The following SLC4A4 variants were observed in gnomAD, a reference collection of about 807,000 sequenced individuals.
The protein encoded by SLC4A4 is solute carrier family 4 member 4, also known as electrogenic sodium bicarbonate cotransporter 1.
A neutral mutation model predicts 111.5 loss-of-function variants in SLC4A4; 27 were observed. That is an observed-to-expected ratio of 0.24 (90% CI 0.18 to 0.33). The LOEUF is 0.33. SLC4A4 is among the 10% of genes least tolerant of loss of function. The probability of loss-of-function intolerance (pLI) is 1.00; values close to 1 mark genes in which losing one functional copy is unlikely to be tolerated. For missense variants in SLC4A4, 909 were observed against 1,315.5 expected, an observed-to-expected ratio of 0.69 and a Z score of 4.78; for synonymous variants, 443 against 463.4, an observed-to-expected ratio of 0.96 and a Z score of 0.57.
At chr4:71,086,198 C>G (rs1257284354) in intron 1 of SLC4A4, among the ~76,000 whole-genome samples, 1 of 151,498 alleles carries the variant, frequency 6.6e-6, no homozygotes, top group Non-Finnish European at 1.5e-5. Context: ...TGATTTGGCT[C>G]TCTGTTTGTC....
intron 2 of SLC4A4, among the ~76,000 whole-genome samples, chr4:71,245,098 G>A (rs959486450): frequency 6.6e-5 from 10 of 152,126 alleles, no homozygotes; most frequent in African/African-American, 2.4e-4. Context: ...TTCCAGGCAG[G>A]CATGTGTGAA....
intron 2 of SLC4A4, among the ~76,000 whole-genome samples, chr4:71,108,050 C>T (rs531610308): frequency 6.6e-6 from 1 of 152,136 alleles, no homozygotes; most frequent in Non-Finnish European, 1.5e-5. Flanking sequence ...ACCCAAAACT[C>T]CTCCTTTGTA....
chr4:71,344,190 C>T (rs1324091627), intron 4 of SLC4A4, among the ~76,000 whole-genome samples: 3 of 152,136 alleles, frequency 2.0e-5, no homozygotes, highest in Admixed American at 1.3e-4. Context: ...AACTACCTGG[C>T]ACACAGGTCA....
At chr4:71,253,928 A>G (rs557105695) in intron 2 of SLC4A4, among the ~76,000 whole-genome samples, 2 of 152,306 alleles carry the variant, frequency 1.3e-5, no homozygotes, top group East Asian at 3.9e-4. Context: ...GCTTAGCTGG[A>G]ATATCTTTCC....
At chr4:71,176,143 C>A (rs1289583146) in intron 2 of SLC4A4, among the ~76,000 whole-genome samples, 1 of 152,144 alleles carries the variant, frequency 6.6e-6, no homozygotes, top group Non-Finnish European at 1.5e-5. Context: ...GGAAAACGAA[C>A]AAACAGAAAG....
In SLC4A4 at chr4:71,372,442, G is replaced by A. The variant is rs373800938; in HGVS notation, c.730+15255G>A. On this transcript the variant is annotated intron_variant, in intron 6 of 25. Coordinates refer to ENST00000264485, the MANE Select transcript of SLC4A4 (RefSeq NM_001098484.3). Reference sequence around the variant, plus strand: ...AAGTTAATACCCACCTAAATGCCTTGCCATTATTAGAGCATAAGAACATAC... The same window carrying A: ...AAGTTAATACCCACCTAAATGCCTTACCATTATTAGAGCATAAGAACATAC... Among the ~76,000 whole-genome samples the A allele has an allele frequency of 5.1e-4, 78 of 152,308 alleles. 1 individual carries two copies. The highest frequency in any genetic ancestry group is 1.8e-3 in the African/African-American group (74 of 41,578).
Position 71,389,096 on chromosome 4 carries a change from G to A in SLC4A4, c.731-8481G>A, listed in dbSNP as rs373297502. ...GGGTCTAGGGAATTGAGGTTAAATA[G>A]ATTATCAAAGGGACTGTAGATAACA... On this transcript the variant is annotated intron_variant, in intron 6 of 25. Coordinates refer to ENST00000264485, the MANE Select transcript of SLC4A4 (RefSeq NM_001098484.3). 2.5e-3 allele frequency among the ~76,000 whole-genome samples: 376 copies of A among 152,292 alleles called. 1 individual carries two copies. In the Middle Eastern group the frequency reaches 0.034, roughly 14 times the overall value.
rs1231529543 is a variant in SLC4A4, at chr4:71,498,553, A to G, written c.2166+861A>G. Among the ~76,000 whole-genome samples, 2 of 152,152 alleles carry G rather than the reference A, an allele frequency of 1.3e-5. 1 individual carries two copies. The highest frequency in any genetic ancestry group is 2.9e-5 in the Non-Finnish European group (2 of 68,012). ...GAATGGAAGAATTTTAAAATATGAGATGCACTTGATGAAATTCCTTTTTCC... is the reference window on the plus strand; with the variant it reads ...GAATGGAAGAATTTTAAAATATGAGGTGCACTTGATGAAATTCCTTTTTCC... On this transcript the variant is annotated intron_variant, in intron 16 of 25. Coordinates refer to ENST00000264485, the MANE Select transcript of SLC4A4 (RefSeq NM_001098484.3).
At chr4:71,366,594 G>T (rs1474096821) in intron 6 of SLC4A4, among the ~76,000 whole-genome samples, 1 of 152,086 alleles carries the variant, frequency 6.6e-6, no homozygotes, top group Non-Finnish European at 1.5e-5. Flanking sequence ...CTGAAGTCAG[G>T]CAAAAGTGAT....
chr4:71,413,041 C>G (rs754429602), intron 7 of SLC4A4, among the ~76,000 whole-genome samples: 1 of 152,172 alleles, frequency 6.6e-6, no homozygotes, highest in Non-Finnish European at 1.5e-5. Context: ...ATGAAGAACC[C>G]CTCAACCAAA....
chr4:71,212,858 C>T (rs1295303704), intron 1 of SLC4A4, among the ~76,000 whole-genome samples: 1 of 152,174 alleles, frequency 6.6e-6, no homozygotes, highest in Non-Finnish European at 1.5e-5. Context: ...TAAATACAGT[C>T]ATTCCTTGCA....
At chr4:71,508,216 AGACAAGAAAAAC>A (rs1283349313) in intron 16 of SLC4A4, among the ~76,000 whole-genome samples, 1 of 152,192 alleles carries the variant, frequency 6.6e-6, no homozygotes, top group African/African-American at 2.4e-5. Flanking sequence ...AGCTAGCAGA[AGACAAGAAAAAC>A]CAAGATCAGA....
chr4:71,197,036 G>A (rs780730120), intron 1 of SLC4A4, among the ~76,000 whole-genome samples: 2 of 151,416 alleles, frequency 1.3e-5, no homozygotes, highest in Non-Finnish European at 2.9e-5. Flanking sequence ...ACAACATGGC[G>A]AAACCCCATC....
intron 3 of SLC4A4, among the ~76,000 whole-genome samples, chr4:71,296,458 A>G (rs1409507266): frequency 6.6e-6 from 1 of 152,220 alleles, no homozygotes; most frequent in East Asian, 1.9e-4. Flanking sequence ...TTTCTATATT[A>G]AAAGAAACGT....
chr4:71,566,853 G>A (rs1157065857), intron 24 of SLC4A4, 151 bp from the exon 25 acceptor site: 6 of 589,260 alleles, frequency 1.0e-5, no homozygotes, highest in Admixed American at 8.7e-5. Flanking sequence ...TCACACTAGA[G>A]TCTTAGCTTA....
In SLC4A4 at chr4:71,083,295, A is replaced by C. The variant is rs189694037; in HGVS notation, c.-64-9435A>C. ...CTTGTTTTTTTTTTCATTTAAACTT[A>C]AGTTTTTTAGTTTTTTTTCCATGTT... is the stretch of plus-strand genomic sequence containing the variant. On this transcript the variant is annotated intron_variant, in intron 1 of 26. Coordinates refer to the SLC4A4 transcript ENST00000649996. Among the ~76,000 whole-genome samples, 183 of 151,512 alleles carry C rather than the reference A, an allele frequency of 1.2e-3. 2 individuals are homozygous for C. The highest frequency in any genetic ancestry group is 4.3e-3 in the African/African-American group (175 of 41,088).
At chr4:71,424,685 G>T (rs1033377883) in intron 7 of SLC4A4, among the ~76,000 whole-genome samples, 1 of 151,976 alleles carries the variant, frequency 6.6e-6, no homozygotes, top group Admixed American at 6.6e-5. Flanking sequence ...GTTCATATCC[G>T]TTGTAGGGAC....
intron 3 of SLC4A4, among the ~76,000 whole-genome samples, chr4:71,294,257 A>G (rs889026499): frequency 6.6e-6 from 1 of 152,218 alleles, no homozygotes; most frequent in Non-Finnish European, 1.5e-5. Flanking sequence ...GCCTAGGGCT[A>G]CAGTCAAACA....
intron 1 of SLC4A4, among the ~76,000 whole-genome samples, chr4:71,087,493 T>A (rs963588301): frequency 6.6e-6 from 1 of 152,110 alleles, no homozygotes; most frequent in Non-Finnish European, 1.5e-5. Flanking sequence ...TTATTTGTGA[T>A]GTTAGGGTGT....
Sources: gnomAD v4.1 joint callset for allele counts (sites outside exome capture counted in the v4.1 genomes callset) on GRCh38, gnomAD v4.1.1 for gene constraint, MANE v1.5 for transcripts, NCBI Gene and HGNC (gene_info 2026-07-23, HGNC 2026-07-21) for gene names.